The following KATNIP variants were observed in gnomAD, a reference collection of about 807,000 sequenced individuals.
KATNIP encodes the protein katanin-interacting protein.
Under a neutral mutation model 174.0 loss-of-function variants are expected in KATNIP, and 126 were observed. That is an observed-to-expected ratio of 0.72 (90% CI 0.63 to 0.84). The LOEUF is 0.84. Ranked by LOEUF, KATNIP falls within the 40% of genes least tolerant of loss-of-function variation. The pLI, the probability that KATNIP is intolerant of heterozygous loss-of-function variation, is 0.00. For missense variants in KATNIP, 1,958 were observed against 2,109.7 expected (o/e 0.93, Z 1.41); for synonymous variants, 810 against 835.7 (o/e 0.97, Z 0.53).
At chr16:27,588,257 G>T (rs1460713182) in intron 2 of KATNIP, among the ~76,000 whole-genome samples, 4 of 151,892 alleles carry the variant, frequency 2.6e-5, no homozygotes, top group Non-Finnish European at 5.9e-5. Flanking sequence ...AATGAAAAAT[G>T]CCTACTTTGC....
chr16:27,626,022 A>G (rs1031185729), intron 3 of KATNIP, among the ~76,000 whole-genome samples: 3 of 151,444 alleles, frequency 2.0e-5, no homozygotes, highest in African/African-American at 7.3e-5. Flanking sequence ...GTTAATTTTT[A>G]TATTTTTTAT....
chr16:27,688,307 G>C (rs1195233883), intron 8 of KATNIP, among the ~76,000 whole-genome samples: 3 of 151,884 alleles, frequency 2.0e-5, no homozygotes, highest in African/African-American at 7.3e-5. Flanking sequence ...AAAATAATCA[G>C]ATTGGCCGGA....
chr16:27,690,363 T>TAGATAGATGATAGATAGATAGATAGATA (rs397837255), intron 8 of KATNIP, among the ~76,000 whole-genome samples: 7 of 91,040 alleles, frequency 7.7e-5, no homozygotes, highest in African/African-American at 2.8e-4. Flanking sequence ...GATAGATAGA[T>TAGATAGATGATAGATAGATAGATAGATA]GATAGATAGA....
intron 11 of KATNIP, 34 bp from the exon 12 acceptor site, chr16:27,703,862 A>G (rs1427494855): frequency 3.4e-6 from 5 of 1,470,392 alleles, no homozygotes; most frequent in Non-Finnish European, 3.8e-6. Context: ...ATCATTTACT[A>G]CTTCCTGTTT....
At chr16:27,742,994 A>G (rs747470005) in intron 15 of KATNIP, among the ~76,000 whole-genome samples, 1 of 151,976 alleles carries the variant, frequency 6.6e-6, no homozygotes, top group Non-Finnish European at 1.5e-5. Flanking sequence ...TATTTTTCCT[A>G]ATGCTCTCCC....
intron 1 of KATNIP, among the ~76,000 whole-genome samples, chr16:27,567,807 C>T (rs566131191): frequency 2.6e-5 from 4 of 152,006 alleles, no homozygotes; most frequent in South Asian, 2.1e-4. Flanking sequence ...GGATTACAGG[C>T]GTGAGCCACT....
intron 15 of KATNIP, among the ~76,000 whole-genome samples, chr16:27,742,450 C>G (rs2081146663): frequency 6.6e-6 from 1 of 152,226 alleles, no homozygotes; most frequent in African/African-American, 2.4e-5. Flanking sequence ...AGGTCCTTTT[C>G]CATCCACAGA....
chr16:27,739,629 A>G (rs995110742), intron 14 of KATNIP, among the ~76,000 whole-genome samples: 2 of 152,210 alleles, frequency 1.3e-5, no homozygotes, highest in Non-Finnish European at 2.9e-5. Flanking sequence ...GAACACTGCT[A>G]TAGGCTGTGA....
chr16:27,594,080 C>T (rs2075261297), intron 2 of KATNIP, among the ~76,000 whole-genome samples: 2 of 151,684 alleles, frequency 1.3e-5, no homozygotes, highest in Admixed American at 1.3e-4. Flanking sequence ...CATGGCAAGG[C>T]CTCGTCTGTA....
chr16:27,623,246 C>T (rs1009431343), intron 3 of KATNIP, among the ~76,000 whole-genome samples: 6 of 152,220 alleles, frequency 3.9e-5, no homozygotes, highest in African/African-American at 1.2e-4. Context: ...TGCAGCCCCA[C>T]GGGCCAGAAC....
chr16:27,706,308 G>A (rs1370674832), intron 12 of KATNIP, among the ~76,000 whole-genome samples: 1 of 152,186 alleles, frequency 6.6e-6, no homozygotes, highest in Non-Finnish European at 1.5e-5. Flanking sequence ...TGCTTGCACC[G>A]ACCTGTGCTG....
chr16:27,683,013 C>A (rs1411886171), intron 8 of KATNIP, among the ~76,000 whole-genome samples: 1 of 152,196 alleles, frequency 6.6e-6, no homozygotes, highest in Non-Finnish European at 1.5e-5. Context: ...CCTTGGACTT[C>A]TCAGCTTCTA....
chr16:27,683,975 G>C lies in KATNIP; in HGVS notation c.940+2445G>C, dbSNP rs141740954. On this transcript the variant is annotated intron_variant, in intron 8 of 27. Transcript: ENST00000261588. ...GAACCCCCCTAGAGCCCCTAGTAGG[G>C]CAGGAGTGGCACGGTGGTGGTCGTG... 2.0e-3 allele frequency among the ~76,000 whole-genome samples: 307 copies of C among 152,318 alleles called. 3 individuals are homozygous for C. Among genetic ancestry groups the C allele is most frequent in the African/African-American group, 6.5e-3 (272 of 41,580 alleles).
chr16:27,747,468 G>A (rs530019632), intron 15 of KATNIP, among the ~76,000 whole-genome samples: 2 of 152,194 alleles, frequency 1.3e-5, no homozygotes, highest in East Asian at 1.9e-4. Flanking sequence ...TCGTGTTCTC[G>A]GTGTTGGCTT....
intron 16 of KATNIP, among the ~76,000 whole-genome samples, chr16:27,750,529 C>T (rs1275959990): frequency 6.6e-6 from 1 of 151,020 alleles, no homozygotes; most frequent in Non-Finnish European, 1.5e-5. Flanking sequence ...ACGCCATTCT[C>T]CTGCCTCAGC....
At chr16:27,697,892 G>A (rs893985279) in intron 8 of KATNIP, among the ~76,000 whole-genome samples, 4 of 152,080 alleles carry the variant, frequency 2.6e-5, no homozygotes, top group African/African-American at 9.7e-5. Context: ...GTGTGTGTTT[G>A]TAAGCTATTT....
At chr16:27,714,391 G>A (rs1223986623) in intron 13 of KATNIP, among the ~76,000 whole-genome samples, 2 of 151,972 alleles carry the variant, frequency 1.3e-5, no homozygotes, top group Non-Finnish European at 2.9e-5. Flanking sequence ...CAGAAACATA[G>A]CTTACAGTTT....
chr16:27,724,794 G>A (rs1350421860), intron 14 of KATNIP, among the ~76,000 whole-genome samples: 1 of 152,214 alleles, frequency 6.6e-6, no homozygotes, highest in Non-Finnish European at 1.5e-5. Context: ...AGGAAATATA[G>A]CTCGGCCTGG....
intron 14 of KATNIP, among the ~76,000 whole-genome samples, chr16:27,738,598 T>G (rs890620134): frequency 1.3e-5 from 2 of 151,980 alleles, no homozygotes; most frequent in Admixed American, 6.6e-5. Flanking sequence ...GAGAGCGAGG[T>G]GGGGACCATT....
Sources: gnomAD v4.1 joint callset for allele counts (sites outside exome capture counted in the v4.1 genomes callset) on GRCh38, gnomAD v4.1.1 for gene constraint, MANE v1.5 for transcripts, NCBI Gene and HGNC (gene_info 2026-07-23, HGNC 2026-07-21) for gene names.